The following CNTNAP5 variants were observed in gnomAD, a reference collection of about 807,000 sequenced individuals.
CNTNAP5 encodes contactin-associated protein-like 5.
CNTNAP5 carries 72 observed loss-of-function variants against 150.2 expected under a neutral mutation model. That is an observed-to-expected ratio of 0.48 (90% CI 0.40 to 0.58). The LOEUF is 0.58. Ranked by LOEUF, CNTNAP5 falls within the 20% of genes least tolerant of loss-of-function variation. CNTNAP5 has a pLI of 0.00. For missense variants in CNTNAP5, 1,636 were observed against 1,626.2 expected (o/e 1.01, Z -0.10); for synonymous variants, 672 against 619.8 (o/e 1.08, Z -1.25).
intron 13 of CNTNAP5, among the ~76,000 whole-genome samples, chr2:124,692,734 G>A (rs1679323206): frequency 6.6e-6 from 1 of 152,124 alleles, no homozygotes; most frequent in Non-Finnish European, 1.5e-5. Flanking sequence ...GCAAAGTTAA[G>A]TAAAACATAT....
intron 14 of CNTNAP5, among the ~76,000 whole-genome samples, chr2:124,761,212 C>T (rs1386968666): frequency 6.6e-6 from 1 of 152,108 alleles, no homozygotes; most frequent in Non-Finnish European, 1.5e-5. Flanking sequence ...ATGACGATCA[C>T]CACTACCATC....
chr2:124,585,410 C>G (rs1342263134), intron 11 of CNTNAP5, among the ~76,000 whole-genome samples: 1 of 152,122 alleles, frequency 6.6e-6, no homozygotes, highest in African/African-American at 2.4e-5. Context: ...GAGAGGAATT[C>G]TGTTGAGGGG....
chr2:124,653,911 A>ACCCCCCCCCCCCCC (rs70996088), intron 13 of CNTNAP5, among the ~76,000 whole-genome samples: 6 of 57,494 alleles, frequency 1.0e-4, no homozygotes, highest in East Asian at 6.0e-4. Context: ...ACTGCCCCCA[A>ACCCCCCCCCCCCCC]CCCCCCCCCC....
chr2:124,777,347 C>G (rs921353731), intron 17 of CNTNAP5, among the ~76,000 whole-genome samples: 1 of 152,088 alleles, frequency 6.6e-6, no homozygotes, highest in African/African-American at 2.4e-5. Flanking sequence ...TTTAACCCAT[C>G]CCAACACCCA....
At chr2:124,481,334 A>G (rs1693758818) in intron 7 of CNTNAP5, among the ~76,000 whole-genome samples, 1 of 152,218 alleles carries the variant, frequency 6.6e-6, no homozygotes, top group Non-Finnish European at 1.5e-5. Context: ...GAGGATAAAA[A>G]CATTCAAACT....
chr2:124,330,514 C>T (rs1164368327), intron 3 of CNTNAP5, among the ~76,000 whole-genome samples: 1 of 152,082 alleles, frequency 6.6e-6, no homozygotes, highest in Non-Finnish European at 1.5e-5. Context: ...TGTGAGTTCT[C>T]ACGAGATCTG....
chr2:124,721,586 C>T (rs1310154144), intron 13 of CNTNAP5, among the ~76,000 whole-genome samples: 1 of 150,824 alleles, frequency 6.6e-6, no homozygotes, highest in Non-Finnish European at 1.5e-5. Context: ...AATAGACATA[C>T]AAAAATCTCA....
At chr2:124,275,772 C>A (rs1056760586) in intron 3 of CNTNAP5, among the ~76,000 whole-genome samples, 1 of 152,078 alleles carries the variant, frequency 6.6e-6, no homozygotes, top group Non-Finnish European at 1.5e-5. Context: ...CTACAATCTC[C>A]AGTATTCTTG....
At chr2:124,437,620 A>G (rs1172429870) in intron 5 of CNTNAP5, among the ~76,000 whole-genome samples, 2 of 152,130 alleles carry the variant, frequency 1.3e-5, no homozygotes, top group Non-Finnish European at 2.9e-5. Flanking sequence ...TCTTTTAAGT[A>G]TTTATCTTAG....
intron 10 of CNTNAP5, among the ~76,000 whole-genome samples, chr2:124,545,056 A>C (rs1427682799): frequency 6.6e-6 from 1 of 152,226 alleles, no homozygotes; most frequent in African/African-American, 2.4e-5. Context: ...CAAGTTTACT[A>C]TATCAAGTGT....
intron 13 of CNTNAP5, among the ~76,000 whole-genome samples, chr2:124,725,042 G>T (rs369414107): frequency 6.7e-6 from 1 of 149,334 alleles, no homozygotes; most frequent in Admixed American, 6.7e-5. Context: ...GACATTTTCC[G>T]GCAAACTGCT....
intron 1 of CNTNAP5, among the ~76,000 whole-genome samples, chr2:124,048,138 C>T (rs1467313625): frequency 1.3e-5 from 2 of 152,080 alleles, no homozygotes; most frequent in African/African-American, 4.8e-5. Flanking sequence ...TTTAATCTTC[C>T]CCAAATAAAT....
intron 1 of CNTNAP5, among the ~76,000 whole-genome samples, chr2:124,109,741 G>T (rs1170739523): frequency 1.3e-5 from 2 of 149,872 alleles, no homozygotes; most frequent in African/African-American, 4.9e-5. Context: ...GCCTGATAGG[G>T]TATAATGTTA....
chr2:124,408,880 G>C (rs1186523303), intron 3 of CNTNAP5, among the ~76,000 whole-genome samples: 1 of 152,202 alleles, frequency 6.6e-6, no homozygotes, highest in Admixed American at 6.5e-5. Context: ...AACAAAGCTG[G>C]ATGGAGAATG....
chr2:124,417,123 A>G (rs1355785502), intron 3 of CNTNAP5, among the ~76,000 whole-genome samples: 1 of 151,752 alleles, frequency 6.6e-6, no homozygotes, highest in Non-Finnish European at 1.5e-5. Context: ...TATTTTTAGT[A>G]GAGACAGTGT....
intron 6 of CNTNAP5, among the ~76,000 whole-genome samples, chr2:124,468,491 G>A (rs1452552785): frequency 1.3e-5 from 2 of 152,002 alleles, no homozygotes; most frequent in African/African-American, 4.8e-5. Context: ...GGTTTTTCTA[G>A]CAGTTCCGGC....
chr2:124,262,189 C>T (rs1687475754), intron 3 of CNTNAP5, among the ~76,000 whole-genome samples: 1 of 152,088 alleles, frequency 6.6e-6, no homozygotes, highest in South Asian at 2.1e-4. Flanking sequence ...AGGTTGCCAC[C>T]AGTCAAAATC....
rs533320709 is a variant in CNTNAP5 at position 124,400,924 on chromosome 2, C to T, written c.382-16519C>T. 7.7e-4 allele frequency among the ~76,000 whole-genome samples: 117 copies of T among 151,770 alleles called. 1 individual carries two copies. The highest frequency in any genetic ancestry group is 1.1e-3 in the Non-Finnish European group (78 of 67,958). Reference sequence around the variant, plus strand: ...TCTCGCTCTGTTGCCCAGGCTGGAGCGCAGTTGCATGATCTTGGCTCACTG... The same window carrying T: ...TCTCGCTCTGTTGCCCAGGCTGGAGTGCAGTTGCATGATCTTGGCTCACTG... On this transcript the variant is annotated intron_variant, in intron 3 of 23. Transcript: ENST00000682447.
chr2:124,689,839 G>A (rs1002813622), intron 13 of CNTNAP5, among the ~76,000 whole-genome samples: 41 of 152,044 alleles, frequency 2.7e-4, no homozygotes, highest in African/African-American at 9.9e-4. Flanking sequence ...AGTAAAATTA[G>A]CATTACTTCT....
Sources: allele counts gnomAD v4.1 joint callset (sites outside exome capture counted in the v4.1 genomes callset), GRCh38; gene constraint gnomAD v4.1.1; transcripts MANE v1.5; gene names NCBI Gene and HGNC (gene_info 2026-07-23, HGNC 2026-07-21).